The following TPX2 variants were observed in gnomAD, a reference collection of about 807,000 sequenced individuals.
TPX2 encodes TPX2 microtubule nucleation factor, also known as targeting protein for Xklp2.
Under a neutral mutation model 93.6 loss-of-function variants are expected in TPX2, and 21 were observed. The ratio of observed to expected loss-of-function variants is 0.22; its 90% CI spans 0.16 to 0.32. The LOEUF is 0.32. Ranked by LOEUF, TPX2 falls within the 10% of genes least tolerant of loss-of-function variation. The pLI is 1.00. For synonymous variants in TPX2, 281 were observed against 298.3 expected (o/e 0.94, Z 0.60); for missense variants, 776 against 871.1 (o/e 0.89, Z 1.37).
Position 31,782,260 on chromosome 20 carries a change from T to C in TPX2, c.1066T>C (p.Ser356Pro), listed in dbSNP as rs993407279. 4 of 1,611,750 alleles carry C rather than the reference T, an allele frequency of 2.5e-6. No individual in the cohort carries two copies. Among genetic ancestry groups the C allele is most frequent in the South Asian group, 2.2e-5 (2 of 90,638 alleles). The change falls in exon 11 of 18, where the codon TCC (serine) becomes CCC (proline). Residue 356 changes from serine to proline, a missense_variant. Ser to Pro is a moderately conservative substitution (Grantham distance 74). This residue lies in a region of TPX2 where 461 missense variants were observed against 551.2 expected (regional missense o/e 0.84). Transcript: ENST00000300403. ...ATCTCTGTTTACAGACCTGTTACCCTCCAAATCTTCTGTGACCAAGATTTG... is the reference window on the plus strand; with the variant it reads ...ATCTCTGTTTACAGACCTGTTACCCCCCAAATCTTCTGTGACCAAGATTTG... Reference protein sequence around the residue: ...SKKDDINLLPSKSSVTKICRD... With the variant: ...SKKDDINLLPPKSSVTKICRD...
chr20:31,748,250 C>T (rs373968436), intron 2 of TPX2, among the ~76,000 whole-genome samples: 65 of 151,904 alleles, frequency 4.3e-4, no homozygotes, highest in African/African-American at 1.5e-3. Context: ...AGGTTTGCAC[C>T]CCTCGCCGTT....
At chr20:31,795,020 A>T (rs772580881) in intron 15 of TPX2, among the ~76,000 whole-genome samples, 2 of 151,746 alleles carry the variant, frequency 1.3e-5, no homozygotes, top group Non-Finnish European at 2.9e-5. Context: ...ATGGGGTTTC[A>T]CCGTGTTAGC....
rs777614350 is a variant in TPX2, at chr20:31,797,507, C to T, written c.1937C>T (p.Ser646Leu). ...TTTGTTCCCAAGAAAGAGAAGAAAT[C>T]AGTTGCTGGTAGTATTATATGTACT... ...EPFVPKKEKK[S>L]VAEGLSGSLV... The change falls in exon 16 of 18, where the codon TCA becomes TTA. Residue 646 changes from serine to leucine, a missense_variant. By Grantham distance (145) the Ser-to-Leu change is moderately radical. Around this residue, in one of 3 missense-constraint regions of TPX2, gnomAD observed 461 missense variants for 551.2 expected, o/e 0.84. Coordinates refer to ENST00000300403, the MANE Select transcript of TPX2 (RefSeq NM_012112.5). 8.1e-6 allele frequency: 13 copies of T among 1,613,710 alleles called. No homozygotes were observed. The South Asian group carries it at 1.4e-4, about 18-fold the overall frequency.
At chr20:31,792,237 T>TA (rs2062106682) in intron 12 of TPX2, among the ~76,000 whole-genome samples, 1 of 151,974 alleles carries the variant, frequency 6.6e-6, no homozygotes, top group Non-Finnish European at 1.5e-5. Flanking sequence ...TGCGCGCTTG[T>TA]AGTCCCAGCT....
chr20:31,780,582 T>C (rs1290641193), intron 10 of TPX2, among the ~76,000 whole-genome samples: 1 of 152,192 alleles, frequency 6.6e-6, no homozygotes, highest in Non-Finnish European at 1.5e-5. Flanking sequence ...ATTTAAAACT[T>C]TGTACAGTTA....
chr20:31,777,750 G>T, intron 9 of TPX2, 112 bp downstream of exon 9: 10 of 1,119,006 alleles, frequency 8.9e-6, no homozygotes, highest in South Asian at 3.9e-5. Flanking sequence ...AAAACCTTGT[G>T]TCTATAAAGT....
rs150150899 is a variant in TPX2, at chr20:31,782,250, C to T, written c.1056C>T (p.Asn352=). 1.4e-5 allele frequency: 22 copies of T among 1,609,190 alleles called. No individual in the cohort carries two copies. The African/African-American group carries it at 1.7e-4, about 13-fold the overall frequency. Residue 352 remains asparagine (N), a splice_region_variant and synonymous_variant, in exon 11 of 18, where the codon AAC becomes AAT. Coordinates refer to ENST00000300403, the MANE Select transcript of TPX2 (RefSeq NM_012112.5). ...AACATCTGTCATCTCTGTTTACAGA[C>T]CTGTTACCCTCCAAATCTTCTGTGA... ...YHLRSKKDDI[N]LLPSKSSVTK...
At chr20:31,787,344 A>T (rs1235987208) in intron 12 of TPX2, among the ~76,000 whole-genome samples, 1 of 151,562 alleles carries the variant, frequency 6.6e-6, no homozygotes, top group African/African-American at 2.4e-5. Flanking sequence ...GGCTGTTTGC[A>T]GGTTTCCCTA....
chr20:31,773,771 T>G (rs972557416), intron 7 of TPX2, among the ~76,000 whole-genome samples: 6 of 152,240 alleles, frequency 3.9e-5, no homozygotes, highest in Non-Finnish European at 7.3e-5. Flanking sequence ...TACAAAGTGA[T>G]GTTATGATTC....
Position 31,801,383 on chromosome 20 carries a change from GTC to G in TPX2, c.*307_*308del, listed in dbSNP as rs936730751. The G allele has an allele frequency of 1.0e-5, 3 of 287,364 alleles. No individual in the cohort carries two copies. The highest frequency in any genetic ancestry group is 4.3e-5 in the African/African-American group (2 of 46,314). 17.8% of individuals were successfully genotyped at this position (287,364 alleles called of 1,614,324 possible). A position where few individuals can be genotyped will look rare whatever the true frequency, so the allele number is the denominator to read the frequency against. On this transcript the variant is annotated 3_prime_UTR_variant, in exon 18 of 18. Transcript: ENST00000300403. ...GGGTCTTCACTCTGACTAGAATTTAGTCTCTGTGTCAGCACAGTGTAATCTCT... is the reference window on the plus strand; with the variant it reads ...GGGTCTTCACTCTGACTAGAATTTAGTCTGTGTCAGCACAGTGTAATCTCT...
At chr20:31,754,818 A>G (rs2061841454) in intron 2 of TPX2, among the ~76,000 whole-genome samples, 2 of 152,206 alleles carry the variant, frequency 1.3e-5, no homozygotes, top group African/African-American at 2.4e-5. Flanking sequence ...ATATGTCTAT[A>G]TTTATTGACA....
chr20:31,750,396 C>T (rs57749616), intron 2 of TPX2, among the ~76,000 whole-genome samples: 2,651 of 152,098 alleles, frequency 0.017, 81 homozygotes, highest in African/African-American at 0.06. Flanking sequence ...TCAGGCGATC[C>T]GCCCGCCTTG....
At position 31,778,910 on chromosome 20, in the gene TPX2, T is replaced by C; in HGVS notation, c.980T>C (p.Leu327Pro). 1 of 1,612,404 alleles carries C rather than the reference T, an allele frequency of 6.2e-7. No homozygotes were observed. The highest frequency in any genetic ancestry group is 8.5e-7 in the Non-Finnish European group (1 of 1,179,640). ...FDETVSTYVP[L>P]AQQVEDFHKR... Reference sequence around the variant, plus strand: ...GAAACAGTTTCTACATATGTGCCCCTTGCACAGCAAGTTGAAGACTTCCAT... The same window carrying C: ...GAAACAGTTTCTACATATGTGCCCCCTGCACAGCAAGTTGAAGACTTCCAT... Residue 327 changes from leucine to proline, a missense_variant, in exon 10 of 18, where the codon CTT (leucine) becomes CCT (proline). Physicochemically the swap from Leu to Pro is moderately conservative, Grantham distance 98. Transcript: ENST00000300403.
intron 4 of TPX2, among the ~76,000 whole-genome samples, chr20:31,763,922 G>A (rs1326768479): frequency 1.3e-5 from 2 of 151,452 alleles, no homozygotes; most frequent in East Asian, 3.9e-4. Context: ...GGGAGGCTGA[G>A]GTAGGAGAAT....
intron 15 of TPX2, among the ~76,000 whole-genome samples, chr20:31,795,179 G>A (rs1365582176): frequency 2.0e-5 from 3 of 151,868 alleles, no homozygotes; most frequent in Non-Finnish European, 4.4e-5. Flanking sequence ...TGTCACCCAG[G>A]CTGGAGTGCA....
chr20:31,779,112 C>T, intron 10 of TPX2, 128 bp downstream of exon 10: 3 of 1,045,604 alleles, frequency 2.9e-6, no homozygotes, highest in East Asian at 5.5e-5. Context: ...TGTGACTATG[C>T]AGACAACAAA....
intron 6 of TPX2, 34 bp downstream of exon 6, chr20:31,770,505 G>A: frequency 6.5e-7 from 1 of 1,535,848 alleles, no homozygotes; most frequent in Non-Finnish European, 8.8e-7. Flanking sequence ...GCCAAGGGCA[G>A]ACATATTGTA....
Position 31,793,854 on chromosome 20 carries a change from G to A in TPX2, c.1516G>A (p.Asp506Asn). 1 of 1,586,478 alleles carries A rather than the reference G, an allele frequency of 6.3e-7. No homozygotes were observed. The highest frequency in any genetic ancestry group is 8.6e-7 in the Non-Finnish European group (1 of 1,167,902). ...ACTGCAATTTTTTCCCTAGGAAGAGGACGAACCGGTAGTGATAAAAGCTCA... is the reference window on the plus strand; with the variant it reads ...ACTGCAATTTTTTCCCTAGGAAGAGAACGAACCGGTAGTGATAAAAGCTCA... The part of the protein sequence containing the change: ...RMPTKEDEEE[D>N]EPVVIKAQPV... Residue 506 changes from aspartate to asparagine, a missense_variant, in exon 14 of 18, where the codon GAC becomes AAC. Around this residue, in one of 3 missense-constraint regions of TPX2, gnomAD observed 461 missense variants for 551.2 expected, o/e 0.84. Transcript: ENST00000300403.
intron 17 of TPX2, among the ~76,000 whole-genome samples, chr20:31,799,934 G>C (rs1255319614): frequency 6.8e-6 from 1 of 146,390 alleles, no homozygotes; most frequent in African/African-American, 2.5e-5. Context: ...AGTGTAAGTT[G>C]TTGAGGTTTT....
Sources: gnomAD v4.1 joint callset for allele counts (sites outside exome capture counted in the v4.1 genomes callset) on GRCh38, gnomAD v4.1.1 for gene constraint, gnomAD v4.1.1 regional missense constraint, MANE v1.5 for transcripts, NCBI Gene and HGNC (gene_info 2026-07-23, HGNC 2026-07-21) for gene names.